Variants in HMGXB3 observed in about 807,000 individuals in gnomAD.
The protein encoded by HMGXB3 is HMG domain-containing protein 3.
Under a neutral mutation model 121.5 loss-of-function variants are expected in HMGXB3, and 45 were observed. The observed-to-expected ratio is 0.37, with a 90% CI of 0.29 to 0.47. HMGXB3 has a LOEUF of 0.47. Ranked by LOEUF, HMGXB3 falls within the 20% of genes least tolerant of loss-of-function variation. The pLI is 0.99. For synonymous variants in HMGXB3, 590 were observed against 624.1 expected, an observed-to-expected ratio of 0.95 and a Z score of 0.81; for missense variants, 1,376 against 1,602.2, an observed-to-expected ratio of 0.86 and a Z score of 2.41.
chr5:150,027,671 C>G (rs1017699416), intron 9 of HMGXB3, among the ~76,000 whole-genome samples: 4 of 152,058 alleles, frequency 2.6e-5, no homozygotes, highest in African/African-American at 7.2e-5. Context: ...CTGCCTCAGC[C>G]TTTCCTGAGT....
At position 150,015,172 on chromosome 5, in the gene HMGXB3, A is replaced by AT. The variant is rs1438508927; in HGVS notation, c.909+2820dup. The stretch of plus-strand genomic sequence containing the variant: ...TGAGCAGGGCACGATGACAGTCGTT[A>AT]TCCAGCTGATGGCCATGGTCACGTG... On this transcript the variant is annotated intron_variant, in intron 5 of 19. Coordinates refer to ENST00000502717, the MANE Select transcript of HMGXB3 (RefSeq NM_014983.3). The AT allele has an allele frequency of 1.0e-5, 3 of 294,994 alleles. No individual in the cohort carries two copies. The East Asian group carries it at 1.9e-4, about 19-fold the overall frequency. 18.3% of individuals were successfully genotyped at this position (294,994 alleles called of 1,614,324 possible).
At chr5:150,049,593 G>A (rs1203196013) in intron 18 of HMGXB3, among the ~76,000 whole-genome samples, 4 of 152,224 alleles carry the variant, frequency 2.6e-5, no homozygotes, top group African/African-American at 7.2e-5. Flanking sequence ...AGCCTGCTCA[G>A]GGAATTGTGT....
chr5:150,022,836 T>C (rs78203820), intron 6 of HMGXB3, among the ~76,000 whole-genome samples: 2 of 148,108 alleles, frequency 1.4e-5, no homozygotes, highest in Admixed American at 6.7e-5. Context: ...TTTTTTTTTT[T>C]CCAGACAGGG....
intron 18 of HMGXB3, among the ~76,000 whole-genome samples, chr5:150,049,740 TG>T (rs1039506613): frequency 1.3e-5 from 2 of 151,550 alleles, no homozygotes; most frequent in African/African-American, 2.4e-5. Flanking sequence ...GAATGGTGCT[TG>T]GGGGGCCCTG....
In HMGXB3 at chr5:150,052,155, A is replaced by C. The variant is rs1289181093; in HGVS notation, c.3842A>C (p.Glu1281Ala). The change falls in exon 20 of 20, where the codon GAG becomes GCG. Residue 1281 changes from glutamate to alanine, a missense_variant. Physicochemically the swap from Glu to Ala is moderately radical, Grantham distance 107 (BLOSUM62 -1). Transcript: ENST00000502717. ...CAGATCAAGACAGAGACAGAGGAGG[A>C]GGGTGAGGAAGAGGAGGTGGCCGCA... ...VAQIKTETEE[E>A]GEEEEVAAVA... The C allele has an allele frequency of 2.1e-5, 32 of 1,548,556 alleles. No individual in the cohort carries two copies. Among genetic ancestry groups the C allele is most frequent in the Non-Finnish European group, 2.6e-5 (30 of 1,144,964 alleles).
intron 13 of HMGXB3, among the ~76,000 whole-genome samples, chr5:150,038,622 A>T (rs911048153): frequency 1.3e-5 from 2 of 151,752 alleles, no homozygotes; most frequent in Admixed American, 1.3e-4. Flanking sequence ...CTCTCCCCCA[A>T]CCTCTGGTAA....
rs989394637 is a variant in HMGXB3, at chr5:150,048,667, C to A, written c.3183C>A (p.Tyr1061Ter). Residue 1061 changes from tyrosine (Y) to a stop codon, truncating the protein, a stop_gained, in exon 18 of 20, where the codon TAC (tyrosine) becomes TAA (stop). Transcript: ENST00000502717. LOFTEE classifies it high-confidence loss of function. The part of the protein sequence containing the change: ...PPRHFTGGKI[Y>*]KVCPHQVVCG... The stretch of plus-strand genomic sequence containing the variant: ...GTCACTTCACAGGTGGTAAAATCTA[C>A]AAGGTGTGCCCCCATCAGGTAAGAA... 1 of 1,549,590 alleles carries A rather than the reference C, an allele frequency of 6.5e-7. No homozygotes were observed. The highest frequency in any genetic ancestry group is 1.2e-5 in the South Asian group (1 of 84,016).
At chr5:150,006,390 G>A (rs1263564161) in intron 2 of HMGXB3, 83 bp from the exon 3 acceptor site, 10 of 1,224,020 alleles carry the variant, frequency 8.2e-6, no homozygotes, top group Middle Eastern at 2.5e-4. Context: ...GTCCTGGGTC[G>A]AGGGATGGGG....
intron 11 of HMGXB3, among the ~76,000 whole-genome samples, chr5:150,033,145 T>C (rs187961680): frequency 8.5e-4 from 129 of 152,292 alleles, no homozygotes; most frequent in Non-Finnish European, 1.6e-3. Flanking sequence ...GGGCTGCTAT[T>C]ATTATTATTA....
At chr5:150,022,594 A>G (rs914355170) in intron 6 of HMGXB3, among the ~76,000 whole-genome samples, 7 of 152,166 alleles carry the variant, frequency 4.6e-5, no homozygotes, top group African/African-American at 7.2e-5. Flanking sequence ...ATTTTTGTCT[A>G]AAATAGCCTA....
In HMGXB3 at chr5:150,028,505, ATG is replaced by A. The variant is rs1156746032; in HGVS notation, c.1734+1424_1734+1425del. ...TATATATATGTATATATATGTATGTATGTGTGTGTGTGTGTGTGTGTGTGTGT... is the reference window on the plus strand; with the variant it reads ...TATATATATGTATATATATGTATGTATGTGTGTGTGTGTGTGTGTGTGTGT... On this transcript the variant is annotated intron_variant, in intron 9 of 19. Transcript: ENST00000502717. Among the ~76,000 whole-genome samples the A allele has an allele frequency of 9.3e-3, 842 of 90,364 alleles. 7 individuals carry two copies. The highest frequency in any genetic ancestry group is 0.045 in the Middle Eastern group (8 of 178). 59.3% of individuals were successfully genotyped at this position (90,364 alleles called of 152,430 possible). A position where few individuals can be genotyped will look rare whatever the true frequency, so the allele number is the denominator to read the frequency against.
In HMGXB3 at chr5:150,028,419, T is replaced by C. The variant is rs145230635; in HGVS notation, c.1734+1302T>C. On this transcript the variant is annotated intron_variant, in intron 9 of 19. Transcript: ENST00000502717. ...TCACAGACCCGATTTTATATATATA[T>C]ATATGTATATATATATATGTATGTG... is the stretch of plus-strand genomic sequence containing the variant. Among the ~76,000 whole-genome samples, 609 of 146,100 alleles carry C rather than the reference T, an allele frequency of 4.2e-3. 3 individuals are homozygous for C. Among genetic ancestry groups the C allele is most frequent in the African/African-American group, 0.015 (583 of 40,098 alleles).
intron 18 of HMGXB3, among the ~76,000 whole-genome samples, chr5:150,049,928 T>C (rs1756851223): frequency 6.6e-6 from 1 of 152,242 alleles, no homozygotes; most frequent in Non-Finnish European, 1.5e-5. Context: ...TCTTAGCTGC[T>C]GCTGCTGCTA....
rs1341288287 is a variant in HMGXB3 at position 150,051,962 on chromosome 5, C to A, written c.3649C>A (p.Gln1217Lys). 1 of 1,552,222 alleles carries A rather than the reference C, an allele frequency of 6.4e-7. No homozygotes were observed. The highest frequency in any genetic ancestry group is 1.4e-5 in the African/African-American group (1 of 73,072). The stretch of plus-strand genomic sequence containing the variant: ...GGACAGCAAACCAAACGGTGTCCGC[C>A]AGCGGCCCATTGCCTTCGACAATGC... ...IVDSKPNGVRQRPIAFDNATH... is the reference protein window; with the variant it reads ...IVDSKPNGVRKRPIAFDNATH... Residue 1217 changes from glutamine (Q) to lysine (K), a missense_variant, in exon 20 of 20, where the codon CAG becomes AAG. Gln to Lys is a moderately conservative substitution (Grantham distance 53). Around this residue, in one of 2 missense-constraint regions of HMGXB3, gnomAD observed 260 missense variants for 233.2 expected, o/e 1.11. Coordinates refer to ENST00000502717, the MANE Select transcript of HMGXB3 (RefSeq NM_014983.3).
Position 150,012,276 on chromosome 5 carries a change from T to TCTGCAC in HMGXB3, c.834_839dup (p.Pro280_Ala281dup). 6.4e-7 allele frequency: 1 copy of TCTGCAC among 1,552,282 alleles called. No individual in the cohort carries two copies. The highest frequency in any genetic ancestry group is 8.7e-7 in the Non-Finnish European group (1 of 1,147,092). ...ATAGGATTCCAGTGAGAGTAGCTCC[T>TCTGCAC]CTGCACCAGCCACACAGTTCATCAT... On this transcript the variant is annotated inframe_insertion, in exon 5 of 20. Coordinates refer to ENST00000502717, the MANE Select transcript of HMGXB3 (RefSeq NM_014983.3).
intron 7 of HMGXB3, 99 bp downstream of exon 7, chr5:150,024,779 A>G (rs768588240): frequency 1.2e-5 from 12 of 1,021,424 alleles, no homozygotes; most frequent in Non-Finnish European, 1.7e-5. Flanking sequence ...AGCAGAGACC[A>G]GGCAATGGTT....
At chr5:150,014,108 C>T (rs1252792993) in intron 5 of HMGXB3, among the ~76,000 whole-genome samples, 3 of 152,242 alleles carry the variant, frequency 2.0e-5, no homozygotes, top group African/African-American at 7.2e-5. Flanking sequence ...ACTTTATGGC[C>T]TGGTACTACA....
chr5:150,043,851 A>G (rs1756693941), intron 15 of HMGXB3, among the ~76,000 whole-genome samples: 1 of 152,230 alleles, frequency 6.6e-6, no homozygotes, highest in South Asian at 2.1e-4. Context: ...GCTCTTTCTC[A>G]GCCGCTGACT....
intron 6 of HMGXB3, among the ~76,000 whole-genome samples, chr5:150,020,302 G>T (rs1357901601): frequency 6.6e-6 from 1 of 152,180 alleles, no homozygotes; most frequent in Admixed American, 6.5e-5. Flanking sequence ...TCTCTGATGT[G>T]CCTCTCTGAA....
Sources: allele counts gnomAD v4.1 joint callset (sites outside exome capture counted in the v4.1 genomes callset), GRCh38; gene constraint gnomAD v4.1.1; regional missense constraint gnomAD v4.1.1; transcripts MANE v1.5; gene names NCBI Gene and HGNC (gene_info 2026-07-23, HGNC 2026-07-21).